The following ADK variants were observed in gnomAD, a reference collection of about 807,000 sequenced individuals.
The protein encoded by ADK is N6,N6-dimethyladenosine kinase.
A neutral mutation model predicts 44.7 loss-of-function variants in ADK; 24 were observed. The ratio of observed to expected loss-of-function variants is 0.54; its 90% CI spans 0.39 to 0.76. ADK has a LOEUF of 0.76. Ranked by LOEUF, ADK falls within the 30% of genes least tolerant of loss-of-function variation. The pLI is 0.00. For synonymous variants in ADK, 128 were observed against 142.6 expected (o/e 0.90, Z 0.73); for missense variants, 321 against 425.1 (o/e 0.76, Z 2.15).
At chr10:74,519,637 T>G (rs1848728215) in intron 6 of ADK, among the ~76,000 whole-genome samples, 1 of 152,014 alleles carries the variant, frequency 6.6e-6, no homozygotes, top group Admixed American at 6.5e-5. Flanking sequence ...AAGAGTATAA[T>G]CAACCCTTCT....
At chr10:74,279,205 G>T (rs1002537275) in intron 3 of ADK, among the ~76,000 whole-genome samples, 1 of 152,052 alleles carries the variant, frequency 6.6e-6, no homozygotes, top group African/African-American at 2.4e-5. Flanking sequence ...GCTTGAATCT[G>T]GGAGGCGGAG....
chr10:74,158,515 C>G (rs1035302725), intron 1 of ADK, among the ~76,000 whole-genome samples: 1 of 152,164 alleles, frequency 6.6e-6, no homozygotes, highest in African/African-American at 2.4e-5. Flanking sequence ...ATTTATTTGT[C>G]TGACACAAAT....
At chr10:74,481,751 A>G (rs985940602) in intron 6 of ADK, among the ~76,000 whole-genome samples, 1 of 151,368 alleles carries the variant, frequency 6.6e-6, no homozygotes, top group Admixed American at 6.6e-5. Context: ...TTCATTTCTC[A>G]TCTTCGAATA....
intron 3 of ADK, among the ~76,000 whole-genome samples, chr10:74,282,328 C>T (rs1846973123): frequency 6.6e-6 from 1 of 152,152 alleles, no homozygotes; most frequent in African/African-American, 2.4e-5. Flanking sequence ...ATTAATACCT[C>T]ATGAGCGTAT....
chr10:74,313,520 G>A (rs1010560423), intron 3 of ADK, among the ~76,000 whole-genome samples: 3 of 151,966 alleles, frequency 2.0e-5, no homozygotes, highest in African/African-American at 7.2e-5. Context: ...TATTCTTTGA[G>A]AAGTTAAGTA....
At chr10:74,535,740 G>A (rs897609371) in intron 7 of ADK, among the ~76,000 whole-genome samples, 1 of 151,808 alleles carries the variant, frequency 6.6e-6, no homozygotes, top group Admixed American at 6.6e-5. Flanking sequence ...GCACAACCAT[G>A]CCTGGCTAAT....
At chr10:74,205,559 C>A (rs577343081) in intron 2 of ADK, among the ~76,000 whole-genome samples, 6 of 151,340 alleles carry the variant, frequency 4.0e-5, no homozygotes, top group African/African-American at 1.2e-4. Context: ...GCCTGTAATC[C>A]CAGATACTCG....
At chr10:74,454,158 T>C (rs573997615) in intron 6 of ADK, among the ~76,000 whole-genome samples, 1 of 152,294 alleles carries the variant, frequency 6.6e-6, no homozygotes, top group East Asian at 1.9e-4. Context: ...CATTGACATA[T>C]CTTTTTTCTT....
chr10:74,451,232 GGA>G (rs1334370822), intron 6 of ADK, among the ~76,000 whole-genome samples: 1 of 150,928 alleles, frequency 6.6e-6, no homozygotes, highest in Non-Finnish European at 1.5e-5. Flanking sequence ...GTGAGGAGAG[GGA>G]GAGAGCAAAA....
chr10:74,452,066 C>CTA (rs1845800054), intron 6 of ADK, among the ~76,000 whole-genome samples: 1 of 151,474 alleles, frequency 6.6e-6, no homozygotes, highest in East Asian at 1.9e-4. Flanking sequence ...GAAATTAAGC[C>CTA]ATGTATAATA....
chr10:74,404,534 T>A (rs1444584520), intron 6 of ADK, among the ~76,000 whole-genome samples: 2 of 152,210 alleles, frequency 1.3e-5, no homozygotes, highest in Non-Finnish European at 2.9e-5. Flanking sequence ...TGAAAGACAT[T>A]TGTGCCAGAT....
chr10:74,177,012 G>A, intron 1 of ADK: 3 of 1,358,830 alleles, frequency 2.2e-6, no homozygotes, highest in South Asian at 1.2e-5. Context: ...CCTCGTGTTG[G>A]GGGTTCCCTC....
chr10:74,183,454 G>A (rs7074449), intron 1 of ADK, among the ~76,000 whole-genome samples: 113 of 152,072 alleles, frequency 7.4e-4, no homozygotes, highest in African/African-American at 2.7e-3. Context: ...TGTGCCTGTA[G>A]TCCCAGCTAC....
In ADK at chr10:74,708,625, A is replaced by G. The variant is rs1469584602; in HGVS notation, c.*180A>G. On this transcript the variant is annotated 3_prime_UTR_variant, in exon 11 of 11. Transcript: ENST00000539909. Reference sequence around the variant, plus strand: ...TTGTAGAATCTTTATTATCTCAACAATCTAAAAAATGATGTTTATTTCCAT... The same window carrying G: ...TTGTAGAATCTTTATTATCTCAACAGTCTAAAAAATGATGTTTATTTCCAT... 4 of 606,020 alleles carry G rather than the reference A, an allele frequency of 6.6e-6. No homozygotes were observed. Among genetic ancestry groups the G allele is most frequent in the Non-Finnish European group, 1.1e-5 (4 of 369,678 alleles). The allele number at this position is 606,020 out of a possible 1,614,324, so 37.5% of individuals were successfully genotyped here.
At chr10:74,550,435 C>T (rs556014643) in intron 7 of ADK, among the ~76,000 whole-genome samples, 2 of 152,226 alleles carry the variant, frequency 1.3e-5, no homozygotes, top group East Asian at 1.9e-4. Flanking sequence ...CTTTTACTAC[C>T]TCTACTTCTT....
At chr10:74,603,026 A>C (rs1023188835) in intron 9 of ADK, among the ~76,000 whole-genome samples, 3 of 152,166 alleles carry the variant, frequency 2.0e-5, no homozygotes, top group African/African-American at 7.2e-5. Flanking sequence ...TAAGAACATA[A>C]AAATGCTTGG....
At chr10:74,203,250 G>C (rs1207610121) in intron 2 of ADK, among the ~76,000 whole-genome samples, 1 of 152,170 alleles carries the variant, frequency 6.6e-6, no homozygotes, top group Non-Finnish European at 1.5e-5. Flanking sequence ...GACAAAATCA[G>C]GTGACCATAG....
intron 7 of ADK, among the ~76,000 whole-genome samples, chr10:74,559,922 G>T: frequency 6.7e-6 from 1 of 149,776 alleles, no homozygotes. Context: ...ACTTCTTGCA[G>T]TTTGTCCATT....
At chr10:74,655,619 G>GA (rs1854454755) in intron 9 of ADK, 1 of 445,598 alleles carries the variant, frequency 2.2e-6, no homozygotes, top group Non-Finnish European at 4.5e-6. Context: ...ACAAGATGAG[G>GA]AGGAGGCCAA....
Sources: gnomAD v4.1 joint callset for allele counts (sites outside exome capture counted in the v4.1 genomes callset) on GRCh38, gnomAD v4.1.1 for gene constraint, MANE v1.5 for transcripts, NCBI Gene and HGNC (gene_info 2026-07-23, HGNC 2026-07-21) for gene names.